The following RELCH variants were observed in gnomAD, a reference collection of about 807,000 sequenced individuals.
RELCH encodes the protein RAB11-binding protein RELCH.
Under a neutral mutation model 150.3 loss-of-function variants are expected in RELCH, and 41 were observed. The ratio of observed to expected loss-of-function variants is 0.27; its 90% CI spans 0.21 to 0.35. RELCH has a LOEUF of 0.35. RELCH is among the 10% of genes least tolerant of loss of function. The pLI, the probability that RELCH is intolerant of heterozygous loss-of-function variation, is 1.00. For synonymous variants in RELCH, 478 were observed against 531.8 expected, an observed-to-expected ratio of 0.90 and a Z score of 1.39; for missense variants, 1,092 against 1,467.8, an observed-to-expected ratio of 0.74 and a Z score of 4.18.
chr18:62,213,878 T>A lies in RELCH; in HGVS notation c.616+2636T>A, dbSNP rs555398606. ...TTTCTTTCCCTGTGTAACTTTTTATTAGAAGGCAGAGTAAAAAGGTTCATA... is the reference window on the plus strand; with the variant it reads ...TTTCTTTCCCTGTGTAACTTTTTATAAGAAGGCAGAGTAAAAAGGTTCATA... On this transcript the variant is annotated intron_variant, in intron 2 of 28. Coordinates refer to ENST00000644646, the MANE Select transcript of RELCH (RefSeq NM_001346231.2). Among the ~76,000 whole-genome samples the A allele has an allele frequency of 5.3e-5, 8 of 152,256 alleles. No individual in the cohort carries two copies. The South Asian group carries it at 1.4e-3, about 28-fold the overall frequency.
At position 62,219,594 on chromosome 18, in the gene RELCH, C is replaced by CT. The variant is rs1466702326; in HGVS notation, c.617-1442dup. ...TGTCCAGTCTTACTTCAATGCAACTCTAAGAGTTTCCGGAAGTGTAAATGT... is the reference window on the plus strand; with the variant it reads ...TGTCCAGTCTTACTTCAATGCAACTCTTAAGAGTTTCCGGAAGTGTAAATGT... On this transcript the variant is annotated intron_variant, in intron 2 of 28. Transcript: ENST00000644646. 2.6e-5 allele frequency among the ~76,000 whole-genome samples: 4 copies of CT among 151,126 alleles called. No individual in the cohort carries two copies. In the East Asian group the frequency reaches 7.7e-4, roughly 29 times the overall value.
intron 20 of RELCH, among the ~76,000 whole-genome samples, chr18:62,270,548 A>C (rs2043836596): frequency 6.6e-6 from 1 of 152,136 alleles, no homozygotes; most frequent in South Asian, 2.1e-4. Flanking sequence ...CACCTTTTCC[A>C]ATGGTTTCCT....
At chr18:62,304,573 G>A (rs937553083) in intron 28 of RELCH, among the ~76,000 whole-genome samples, 5 of 152,288 alleles carry the variant, frequency 3.3e-5, no homozygotes, top group Admixed American at 2.6e-4. Flanking sequence ...ATTGCAAGCT[G>A]TGTTTTACAG....
intron 1 of RELCH, among the ~76,000 whole-genome samples, chr18:62,207,615 G>A (rs1699023614): frequency 6.6e-6 from 1 of 152,150 alleles, no homozygotes; most frequent in Admixed American, 6.5e-5. Context: ...TAGATGTAAG[G>A]ATTCCAATTT....
chr18:62,282,776 G>C (rs2144963956), intron 25 of RELCH, among the ~76,000 whole-genome samples: 1 of 152,284 alleles, frequency 6.6e-6, no homozygotes, highest in East Asian at 1.9e-4. Flanking sequence ...TCCTGCCTCA[G>C]CCTCCCAAGT....
At chr18:62,263,737 C>T (rs2043397721) in intron 16 of RELCH, among the ~76,000 whole-genome samples, 1 of 151,960 alleles carries the variant, frequency 6.6e-6, no homozygotes, top group Admixed American at 6.6e-5. Flanking sequence ...ATAAAAATTT[C>T]TGCTCATAGA....
intron 1 of RELCH, among the ~76,000 whole-genome samples, chr18:62,194,048 C>A (rs1277717297): frequency 6.6e-6 from 1 of 152,074 alleles, no homozygotes; most frequent in Non-Finnish European, 1.5e-5. Flanking sequence ...GAGTTTGAGA[C>A]CAGCCTGGGC....
At chr18:62,275,572 A>T (rs746042229) in intron 22 of RELCH, 99 bp downstream of exon 22, 4 of 735,306 alleles carry the variant, frequency 5.4e-6, no homozygotes, top group Non-Finnish European at 9.6e-6. Context: ...TTTGCATATC[A>T]TGTTATGTTG....
In RELCH at chr18:62,260,724, A is replaced by C. The variant is rs75497139; in HGVS notation, c.2203-787A>C. 5.0e-3 allele frequency among the ~76,000 whole-genome samples: 760 copies of C among 152,114 alleles called. 6 individuals carry two copies. The highest frequency in any genetic ancestry group is 0.037 in the Middle Eastern group (11 of 294). ...AAATATGGTATATATAAACAATGGA[A>C]TATTATTCAGCCATTAAAAAAAGAA... On this transcript the variant is annotated intron_variant, in intron 15 of 28. Transcript: ENST00000644646.
chr18:62,205,765 CTA>C (rs1016587712), intron 1 of RELCH, among the ~76,000 whole-genome samples: 1 of 152,180 alleles, frequency 6.6e-6, no homozygotes, highest in Non-Finnish European at 1.5e-5. Flanking sequence ...TGGCTCTCGC[CTA>C]TAATCCCAGC....
chr18:62,281,573 A>G (rs2044517173), intron 24 of RELCH, among the ~76,000 whole-genome samples: 1 of 152,206 alleles, frequency 6.6e-6, no homozygotes, highest in Admixed American at 6.5e-5. Context: ...ACACTTCTCA[A>G]AATTGATATC....
chr18:62,206,433 C>G (rs1007205713), intron 1 of RELCH, among the ~76,000 whole-genome samples: 1 of 152,056 alleles, frequency 6.6e-6, no homozygotes, highest in Non-Finnish European at 1.5e-5. Flanking sequence ...ATGACATAGC[C>G]CTATTTGAAG....
chr18:62,229,510 G>GTC (rs1216079666), intron 8 of RELCH, among the ~76,000 whole-genome samples: 41 of 149,206 alleles, frequency 2.7e-4, no homozygotes, highest in Non-Finnish European at 8.9e-5. Context: ...GTGTGTGTGT[G>GTC]TGTGTGTGTG....
chr18:62,228,160 A>C (rs978150075), intron 7 of RELCH, 145 bp from the exon 8 acceptor site: 2 of 644,296 alleles, frequency 3.1e-6, no homozygotes, highest in Non-Finnish European at 5.3e-6. Context: ...TGAATATTGC[A>C]TAAAAAAGAT....
intron 27 of RELCH, among the ~76,000 whole-genome samples, chr18:62,295,802 G>A (rs1170139355): frequency 3.3e-5 from 5 of 151,996 alleles, no homozygotes; most frequent in Admixed American, 2.6e-4. Flanking sequence ...CAAACTCTTG[G>A]GTTCAAGCGA....
intron 1 of RELCH, among the ~76,000 whole-genome samples, chr18:62,200,964 CTTTTTTTTTTTTTTT>C (rs543882947): frequency 0.051 from 2,829 of 55,306 alleles, 102 homozygotes; most frequent in Middle Eastern, 0.19. Context: ...TTTTTCTTTG[CTTTTTTTTTTTTTTT>C]TTTTTTTTTT....
intron 1 of RELCH, among the ~76,000 whole-genome samples, chr18:62,191,823 C>G (rs2038664774): frequency 2.0e-5 from 3 of 152,100 alleles, no homozygotes. Flanking sequence ...ATTCCCATGT[C>G]TTTCCTATTG....
chr18:62,194,452 A>G (rs1237336925), intron 1 of RELCH, among the ~76,000 whole-genome samples: 1 of 152,228 alleles, frequency 6.6e-6, no homozygotes, highest in Non-Finnish European at 1.5e-5. Context: ...ACCGTATTTT[A>G]ATGAAGGTAT....
At chr18:62,280,293 C>A (rs185066079) in intron 23 of RELCH, 1 of 1,321,796 alleles carries the variant, frequency 7.6e-7, no homozygotes, top group South Asian at 1.2e-5. Flanking sequence ...CATCCTCAGT[C>A]ACAGCTAACC....
Sources: gnomAD v4.1 joint callset for allele counts (sites outside exome capture counted in the v4.1 genomes callset) on GRCh38, gnomAD v4.1.1 for gene constraint, MANE v1.5 for transcripts, NCBI Gene and HGNC (gene_info 2026-07-23, HGNC 2026-07-21) for gene names.